Variants in RARB observed in about 807,000 individuals in gnomAD.
RARB encodes retinoic acid receptor beta.
RARB carries 17 observed loss-of-function variants against 51.9 expected under a neutral mutation model. The ratio of observed to expected loss-of-function variants is 0.33; its 90% CI spans 0.22 to 0.49. The LOEUF is 0.49. RARB is among the 20% of genes least tolerant of loss of function. The pLI is 0.99. For missense variants in RARB, 369 were observed against 550.8 expected, an observed-to-expected ratio of 0.67 and a Z score of 3.30; for synonymous variants, 215 against 195.4, an observed-to-expected ratio of 1.10 and a Z score of -0.84.
At chr3:25,230,934 T>C (rs1254487406) in intron 5 of RARB, among the ~76,000 whole-genome samples, 1 of 152,200 alleles carries the variant, frequency 6.6e-6, no homozygotes, top group African/African-American at 2.4e-5. Flanking sequence ...GTTGGTCTTC[T>C]ATAAGATTCA....
At chr3:25,098,480 T>C (rs1181139950) in intron 3 of RARB, among the ~76,000 whole-genome samples, 1 of 152,216 alleles carries the variant, frequency 6.6e-6, no homozygotes, top group East Asian at 1.9e-4. Flanking sequence ...ACCTGTGTAA[T>C]ATTGGGTAAA....
intron 3 of RARB, among the ~76,000 whole-genome samples, chr3:25,068,732 C>G (rs183605039): frequency 2.6e-5 from 4 of 152,250 alleles, no homozygotes; most frequent in African/African-American, 7.2e-5. Context: ...AAGGATGAAT[C>G]TGATTGAGGC....
chr3:25,155,272 G>A (rs548012916), intron 4 of RARB, among the ~76,000 whole-genome samples: 1 of 151,992 alleles, frequency 6.6e-6, no homozygotes, highest in South Asian at 2.1e-4. Flanking sequence ...CTCCCTTTTA[G>A]AACTAATTCT....
intron 5 of RARB, among the ~76,000 whole-genome samples, chr3:25,388,984 T>C (rs2125485563): frequency 6.6e-6 from 1 of 152,240 alleles, no homozygotes; most frequent in Non-Finnish European, 1.5e-5. Context: ...TCCTTTTGAA[T>C]ACAATAGAGG....
intron 2 of RARB, among the ~76,000 whole-genome samples, chr3:24,909,337 C>A (rs1218154257): frequency 6.6e-6 from 1 of 152,168 alleles, no homozygotes; most frequent in Non-Finnish European, 1.5e-5. Flanking sequence ...TGAATTAGCA[C>A]ACACATGATT....
At chr3:25,580,325 G>C (rs1378148972) in intron 4 of RARB, among the ~76,000 whole-genome samples, 1 of 152,236 alleles carries the variant, frequency 6.6e-6, no homozygotes, top group African/African-American at 2.4e-5. Flanking sequence ...AGTGAGCTGA[G>C]ATCGTGCTAC....
At chr3:25,027,695 T>C (rs970797760) in intron 2 of RARB, among the ~76,000 whole-genome samples, 2 of 152,182 alleles carry the variant, frequency 1.3e-5, no homozygotes, top group South Asian at 4.1e-4. Context: ...AATGCTTTTT[T>C]TTTCCCCTTA....
chr3:25,174,630 C>A, intron 5 of RARB: 1 of 1,325,340 alleles, frequency 7.5e-7, no homozygotes, highest in Non-Finnish European at 1.0e-6. Context: ...ATGAAGGGAC[C>A]TGAGAAAACG....
chr3:25,183,604 G>GC (rs1218413113), intron 5 of RARB, among the ~76,000 whole-genome samples: 76 of 152,238 alleles, frequency 5.0e-4, no homozygotes, highest in Non-Finnish European at 5.1e-4. Context: ...ATTATTGGTG[G>GC]CAGTGATCTT....
At chr3:25,514,040 T>C (rs1030401468) in intron 3 of RARB, among the ~76,000 whole-genome samples, 2 of 152,234 alleles carry the variant, frequency 1.3e-5, no homozygotes, top group Non-Finnish European at 2.9e-5. Context: ...GAGAGCCCTT[T>C]GTTTGGAAAC....
At chr3:25,179,012 C>T (rs1002790577) in intron 5 of RARB, among the ~76,000 whole-genome samples, 2 of 152,110 alleles carry the variant, frequency 1.3e-5, no homozygotes, top group African/African-American at 4.8e-5. Context: ...TAGTTTAACT[C>T]CAGCATCTTA....
chr3:24,968,114 G>T (rs1696317121), intron 2 of RARB, among the ~76,000 whole-genome samples: 1 of 152,132 alleles, frequency 6.6e-6, no homozygotes, highest in African/African-American at 2.4e-5. Flanking sequence ...GCCAGTTAAA[G>T]TATTGTAATT....
At chr3:25,243,798 T>G (rs1335314707) in intron 5 of RARB, among the ~76,000 whole-genome samples, 1 of 152,182 alleles carries the variant, frequency 6.6e-6, no homozygotes, top group Admixed American at 6.5e-5. Context: ...CTTTCAGGTT[T>G]TGGTATCAGG....
At chr3:25,323,408 G>A (rs559107515) in intron 5 of RARB, among the ~76,000 whole-genome samples, 79 of 152,290 alleles carry the variant, frequency 5.2e-4, no homozygotes, top group African/African-American at 1.7e-3. Context: ...TTTAGCAACA[G>A]GTGAATTTTT....
At chr3:25,027,621 A>G (rs1486262303) in intron 2 of RARB, among the ~76,000 whole-genome samples, 1 of 81,398 alleles carries the variant, frequency 1.2e-5, no homozygotes, top group Non-Finnish European at 2.7e-5. Flanking sequence ...GAAAGGAAAA[A>G]AAAACCACAA....
intron 4 of RARB, among the ~76,000 whole-genome samples, chr3:25,576,666 T>G (rs904441011): frequency 7.2e-5 from 11 of 152,194 alleles, no homozygotes; most frequent in Non-Finnish European, 1.5e-4. Flanking sequence ...TAGGAAATAC[T>G]CGAAAGATTC....
At chr3:25,060,300 T>A (rs1252132564) in intron 3 of RARB, 1 of 151,862 alleles carries the variant, frequency 6.6e-6, no homozygotes, top group Admixed American at 6.6e-5. Flanking sequence ...AAGTCCTTAT[T>A]ATATACACAT....
intron 5 of RARB, among the ~76,000 whole-genome samples, chr3:25,586,975 G>A (rs928142935): frequency 2.6e-5 from 4 of 152,226 alleles, no homozygotes; most frequent in Non-Finnish European, 5.9e-5. Context: ...GAATTGCTGT[G>A]GGGTAGCCAG....
At chr3:25,152,170 G>A (rs1420124254) in intron 4 of RARB, among the ~76,000 whole-genome samples, 1 of 152,192 alleles carries the variant, frequency 6.6e-6, no homozygotes, top group Admixed American at 6.5e-5. Flanking sequence ...TCCCGTTGAA[G>A]TTTATAAAGT....
Sources: allele counts gnomAD v4.1 joint callset (sites outside exome capture counted in the v4.1 genomes callset), GRCh38; gene constraint gnomAD v4.1.1; transcripts MANE v1.5; gene names NCBI Gene and HGNC (gene_info 2026-07-23, HGNC 2026-07-21).